The following NRP2 variants were observed in gnomAD, a reference collection of about 807,000 sequenced individuals.
NRP2 encodes neuropilin 2.
In NRP2, 52 loss-of-function variants were observed where a neutral mutation model predicts 110.4. That is an observed-to-expected ratio of 0.47 (90% CI 0.38 to 0.59). NRP2 has a LOEUF of 0.59. NRP2 is among the 20% of genes least tolerant of loss of function. The pLI, the probability that NRP2 is intolerant of heterozygous loss-of-function variation, is 0.00. For synonymous variants in NRP2, 508 were observed against 468.9 expected, an observed-to-expected ratio of 1.08 and a Z score of -1.08; for missense variants, 1,049 against 1,203.0, an observed-to-expected ratio of 0.87 and a Z score of 1.89.
chr2:205,785,114 G>A (rs2058221435), intron 15 of NRP2, among the ~76,000 whole-genome samples: 1 of 152,208 alleles, frequency 6.6e-6, no homozygotes, highest in African/African-American at 2.4e-5. Context: ...ACATACAGGT[G>A]TACAGTTTCT....
intron 15 of NRP2, among the ~76,000 whole-genome samples, chr2:205,786,975 T>C (rs2058242981): frequency 6.6e-6 from 1 of 152,098 alleles, no homozygotes; most frequent in African/African-American, 2.4e-5. Flanking sequence ...GCAGTGAGCA[T>C]CATGGGGCAA....
intron 11 of NRP2, chr2:205,752,515 A>G: frequency 2.7e-6 from 1 of 370,968 alleles, no homozygotes; most frequent in Non-Finnish European, 5.1e-6. Flanking sequence ...CATTTAGGGA[A>G]CAGCAATTTT....
intron 2 of NRP2, among the ~76,000 whole-genome samples, chr2:205,703,917 G>A (rs888943984): frequency 2.0e-5 from 3 of 152,166 alleles, no homozygotes; most frequent in African/African-American, 7.2e-5. Context: ...AGAGGTGCCT[G>A]AGCAATACTA....
At chr2:205,762,159 A>T (rs2057833133) in intron 12 of NRP2, 1 of 152,204 alleles carries the variant, frequency 6.6e-6, no homozygotes, top group South Asian at 2.1e-4. Flanking sequence ...ATGTAGACAG[A>T]TGTGGCTTTG....
At chr2:205,792,645 T>C (rs2105976560) in intron 16 of NRP2, among the ~76,000 whole-genome samples, 1 of 152,344 alleles carries the variant, frequency 6.6e-6, no homozygotes, top group East Asian at 1.9e-4. Context: ...CCTGAGTGAA[T>C]GAGCATAATG....
intron 8 of NRP2, among the ~76,000 whole-genome samples, chr2:205,742,988 T>A (rs2057469594): frequency 3.3e-5 from 5 of 152,226 alleles, no homozygotes; most frequent in Admixed American, 3.3e-4. Flanking sequence ...CAAGGCCCTC[T>A]GACTAGTAAG....
chr2:205,715,411 G>A (rs952147130), intron 2 of NRP2, among the ~76,000 whole-genome samples: 3 of 152,202 alleles, frequency 2.0e-5, no homozygotes, highest in African/African-American at 7.2e-5. Flanking sequence ...GAGGCTAATA[G>A]TTGTGTGCAC....
rs889468871 is a variant in NRP2 at position 205,686,859 on chromosome 2, C to A, written c.73+3496C>A. Among the ~76,000 whole-genome samples, 3 of 152,200 alleles carry A rather than the reference C, an allele frequency of 2.0e-5. No homozygotes were observed. Among genetic ancestry groups the A allele is most frequent in the African/African-American group, 7.2e-5 (3 of 41,442 alleles). On this transcript the variant is annotated intron_variant, in intron 1 of 16. Transcript: ENST00000357785. This position sits in a 1 kb window ranked among gnomAD's most constrained non-coding sequence, Gnocchi z 4.7. Reference sequence around the variant, plus strand: ...TTCGGTTTCAGACAGAGAGGAGAGCCCCCTGGCGCTAGCCATTCCCGATCA... The same window carrying A: ...TTCGGTTTCAGACAGAGAGGAGAGCACCCTGGCGCTAGCCATTCCCGATCA...
intron 7 of NRP2, among the ~76,000 whole-genome samples, chr2:205,735,439 T>A (rs1270627548): frequency 6.8e-6 from 1 of 146,752 alleles, no homozygotes; most frequent in African/African-American, 2.6e-5. Context: ...TCTGGCTGGA[T>A]GCTTCTTATT....
chr2:205,743,248 C>T lies in NRP2; in HGVS notation c.1337C>T (p.Ala446Val). 3 of 1,614,014 alleles carry T rather than the reference C, an allele frequency of 1.9e-6. No homozygotes were observed. Among genetic ancestry groups the T allele is most frequent in the Non-Finnish European group, 2.5e-6 (3 of 1,180,040 alleles). ...NMLGMLSGLIADSQISASSTQ... is the reference protein window; with the variant it reads ...NMLGMLSGLIVDSQISASSTQ... Reference sequence around the variant, plus strand: ...CTGGGGATGCTCTCAGGCCTCATTGCAGACTCCCAGATCTCCGCCTCTTCC... The same window carrying T: ...CTGGGGATGCTCTCAGGCCTCATTGTAGACTCCCAGATCTCCGCCTCTTCC... Residue 446 changes from alanine (A) to valine (V), a missense_variant, in exon 9 of 17, where the codon GCA (alanine) becomes GTA (valine). By Grantham distance (64) the Ala-to-Val change is moderately conservative (BLOSUM62 0). Transcript: ENST00000357785.
intron 15 of NRP2, among the ~76,000 whole-genome samples, chr2:205,773,807 T>G (rs2058058472): frequency 6.6e-6 from 1 of 152,226 alleles, no homozygotes; most frequent in South Asian, 2.1e-4. Context: ...GAAAGCAGAC[T>G]TTTGAACAAA....
At chr2:205,779,098 G>C (rs1040016594) in intron 15 of NRP2, 2 of 152,230 alleles carry the variant, frequency 1.3e-5, no homozygotes, top group Admixed American at 6.5e-5. Flanking sequence ...CATGTGTTTA[G>C]AGTTGCTTCT....
intron 7 of NRP2, among the ~76,000 whole-genome samples, chr2:205,738,245 C>G (rs1160509901): frequency 1.3e-5 from 2 of 152,142 alleles, no homozygotes; most frequent in Non-Finnish European, 2.9e-5. Context: ...ATGTGAACTC[C>G]TTAGCGTCTC....
intron 2 of NRP2, among the ~76,000 whole-genome samples, chr2:205,702,565 C>T (rs1404498970): frequency 2.0e-5 from 3 of 152,164 alleles, no homozygotes; most frequent in Non-Finnish European, 4.4e-5. Flanking sequence ...ACAAGGTGCT[C>T]TTGTGTTTAT....
intron 12 of NRP2, among the ~76,000 whole-genome samples, chr2:205,755,645 T>C (rs931289650): frequency 9.4e-5 from 14 of 148,430 alleles, no homozygotes; most frequent in South Asian, 4.3e-4. Flanking sequence ...CCTGAGGGGA[T>C]TGGGGAGAAG....
rs554437496 is a variant in NRP2, at chr2:205,758,799, A to AGCCATC, written c.2045-4874_2045-4869dup. On this transcript the variant is annotated intron_variant, in intron 12 of 16. Transcript: ENST00000357785. Reference sequence around the variant, plus strand: ...GGAAGCTGTCCATTGCCGGCATCATAGCCATCAGCTACAAGAACAGGCAGG... The same window carrying AGCCATC: ...GGAAGCTGTCCATTGCCGGCATCATAGCCATCGCCATCAGCTACAAGAACAGGCAGG... Among the ~76,000 whole-genome samples the AGCCATC allele has an allele frequency of 4.9e-3, 749 of 152,310 alleles. 7 individuals carry two copies. Among genetic ancestry groups the AGCCATC allele is most frequent in the African/African-American group, 0.017 (692 of 41,548 alleles).
intron 11 of NRP2, 151 bp downstream of exon 11, chr2:205,749,992 G>A (rs2057614866): frequency 2.9e-6 from 2 of 697,790 alleles, no homozygotes; most frequent in Non-Finnish European, 5.2e-6. Flanking sequence ...TTAGGGGTTT[G>A]GGGCAGTGGC....
chr2:205,729,738 AT>A (rs1320215608), intron 7 of NRP2, among the ~76,000 whole-genome samples: 63 of 152,112 alleles, frequency 4.1e-4, no homozygotes, highest in Non-Finnish European at 5.9e-5. Context: ...AGCACTGCAC[AT>A]TTTCATAGAA....
chr2:205,783,224 C>T (rs1368066127), intron 15 of NRP2, among the ~76,000 whole-genome samples: 1 of 152,050 alleles, frequency 6.6e-6, no homozygotes, highest in Non-Finnish European at 1.5e-5. Flanking sequence ...TTTTTTTTAA[C>T]TGCCAACTTA....
Sources: allele counts gnomAD v4.1 joint callset (sites outside exome capture counted in the v4.1 genomes callset), GRCh38; gene constraint gnomAD v4.1.1; non-coding constraint Gnocchi (gnomAD v3.1); transcripts MANE v1.5; gene names NCBI Gene and HGNC (gene_info 2026-07-23, HGNC 2026-07-21).